HFM1: variants seen among roughly 807,000 people sequenced by gnomAD.
The protein encoded by HFM1 is probable ATP-dependent DNA helicase HFM1.
Under a neutral mutation model 192.1 loss-of-function variants are expected in HFM1, and 169 were observed. The observed-to-expected ratio is 0.88, with a 90% CI of 0.78 to 1.00. The LOEUF is 1.00. Among genes scored for constraint, HFM1 ranks in the 50% least tolerant of loss-of-function variants. HFM1 has a pLI of 0.00. For missense variants in HFM1, 1,661 were observed against 1,668.0 expected (o/e 1.00, Z 0.07); for synonymous variants, 525 against 537.8 (o/e 0.98, Z 0.33).
chr1:91,323,595 T>C (rs1312614293), intron 21 of HFM1, among the ~76,000 whole-genome samples: 1 of 152,204 alleles, frequency 6.6e-6, no homozygotes, highest in East Asian at 1.9e-4. Flanking sequence ...TTGCAAATCA[T>C]TATCTCAATT....
chr1:91,348,554 A>T (rs1198371984), intron 18 of HFM1, among the ~76,000 whole-genome samples: 3 of 152,218 alleles, frequency 2.0e-5, no homozygotes, highest in Non-Finnish European at 2.9e-5. Context: ...GACAAAGTAT[A>T]AATGTCCATC....
chr1:91,357,009 T>A (rs1657838093), intron 13 of HFM1, among the ~76,000 whole-genome samples: 1 of 152,162 alleles, frequency 6.6e-6, no homozygotes, highest in Admixed American at 6.5e-5. Flanking sequence ...GCATCACAAC[T>A]GAATTCTACC....
chr1:91,334,780 T>C (rs376911966), intron 20 of HFM1, among the ~76,000 whole-genome samples: 29 of 151,908 alleles, frequency 1.9e-4, no homozygotes, highest in African/African-American at 5.8e-4. Context: ...AATACAAAAA[T>C]TAGCTGGGCG....
chr1:91,406,792 T>C (rs1664832209), upstream of HFM1, among the ~76,000 whole-genome samples: 1 of 152,038 alleles, frequency 6.6e-6, no homozygotes, highest in Admixed American at 6.5e-5. Context: ...TCTAGAAAAA[T>C]GACTCAGACC....
chr1:91,289,864 G>A (rs969405740), intron 30 of HFM1, among the ~76,000 whole-genome samples: 8 of 152,238 alleles, frequency 5.3e-5, no homozygotes, highest in Non-Finnish European at 1.0e-4. Flanking sequence ...GAGGGAGAGG[G>A]AGACGAGAGG....
At chr1:91,371,895 AAAAC>A (rs1049613493) in intron 13 of HFM1, among the ~76,000 whole-genome samples, 26 of 152,238 alleles carry the variant, frequency 1.7e-4, no homozygotes, top group African/African-American at 5.3e-4. Flanking sequence ...TTACAAGAAA[AAAAC>A]AAACAACCCC....
At chr1:91,266,930 C>G (rs1374395019) in intron 35 of HFM1, among the ~76,000 whole-genome samples, 1 of 152,048 alleles carries the variant, frequency 6.6e-6, no homozygotes, top group African/African-American at 2.4e-5. Context: ...CTAAGGGCCC[C>G]CAAAACAATA....
chr1:91,295,720 G>A (rs1557800762), intron 30 of HFM1, among the ~76,000 whole-genome samples: 1 of 151,946 alleles, frequency 6.6e-6, no homozygotes, highest in Non-Finnish European at 1.5e-5. Flanking sequence ...GATGAACAGA[G>A]TTCTTAATTT....
chr1:91,324,578 A>T, intron 21 of HFM1, 97 bp downstream of exon 21: 1 of 646,298 alleles, frequency 1.5e-6, no homozygotes, highest in Non-Finnish European at 2.7e-6. Context: ...CTGCTCATTC[A>T]TTCTTAAATT....
chr1:91,339,805 C>G (rs1655086687), intron 20 of HFM1, among the ~76,000 whole-genome samples: 1 of 151,844 alleles, frequency 6.6e-6, no homozygotes, highest in South Asian at 2.1e-4. Context: ...TCAGAGAGCC[C>G]CAGTGAGATA....
chr1:91,391,158 T>G (rs1662935381), intron 4 of HFM1, among the ~76,000 whole-genome samples: 1 of 152,122 alleles, frequency 6.6e-6, no homozygotes, highest in South Asian at 2.1e-4. Context: ...ATCAATATTG[T>G]GAAAATGGCC....
intron 30 of HFM1, among the ~76,000 whole-genome samples, chr1:91,302,491 T>A (rs1648945094): frequency 6.6e-6 from 1 of 152,152 alleles, no homozygotes. Context: ...CACGTATGTT[T>A]ATTGTGGCCC....
intron 30 of HFM1, among the ~76,000 whole-genome samples, chr1:91,294,791 T>G (rs1041024179): frequency 6.6e-6 from 1 of 152,220 alleles, no homozygotes; most frequent in Non-Finnish European, 1.5e-5. Flanking sequence ...GCTAATATGA[T>G]AGTACTGCTA....
chr1:91,286,705 C>T lies in HFM1; in HGVS notation c.3392-9643G>A, dbSNP rs61798880. 3.9e-3 allele frequency among the ~76,000 whole-genome samples: 590 copies of T among 152,254 alleles called. 3 individuals are homozygous for T. The highest frequency in any genetic ancestry group is 6.8e-3 in the Non-Finnish European group (460 of 68,024). Reference sequence around the variant, plus strand: ...TCCAGTCTACAGCTCCCAGTGTGAGCGACGCAGAAGACGGGTGATTTCTGC... The same window carrying T: ...TCCAGTCTACAGCTCCCAGTGTGAGTGACGCAGAAGACGGGTGATTTCTGC... On this transcript the variant is annotated intron_variant, in intron 30 of 38. Coordinates refer to ENST00000370425, the MANE Select transcript of HFM1 (RefSeq NM_001017975.6).
chr1:91,321,283 A>G (rs1652063563), intron 23 of HFM1, among the ~76,000 whole-genome samples: 1 of 152,140 alleles, frequency 6.6e-6, no homozygotes, highest in Non-Finnish European at 1.5e-5. Context: ...ATCTCTACTA[A>G]AAATACAAAA....
At chr1:91,370,209 A>G (rs997339024) in intron 13 of HFM1, among the ~76,000 whole-genome samples, 1 of 152,216 alleles carries the variant, frequency 6.6e-6, no homozygotes, top group African/African-American at 2.4e-5. Context: ...CAATCAATAG[A>G]AAAAGAGGGA....
chr1:91,365,264 T>G (rs1255118309), intron 13 of HFM1, among the ~76,000 whole-genome samples: 1 of 152,076 alleles, frequency 6.6e-6, no homozygotes, highest in Non-Finnish European at 1.5e-5. Flanking sequence ...AGATACATAG[T>G]GTGAACAAAT....
chr1:91,353,002 A>G (rs1657159119), intron 15 of HFM1, 49 bp downstream of exon 15: 1 of 1,205,938 alleles, frequency 8.3e-7, no homozygotes, highest in Admixed American at 2.1e-5. Flanking sequence ...TCTTAAAAAT[A>G]ATTTTCCAAA....
chr1:91,407,218 G>T (rs957961702), upstream of HFM1, among the ~76,000 whole-genome samples: 1 of 152,028 alleles, frequency 6.6e-6, no homozygotes, highest in Non-Finnish European at 1.5e-5. Context: ...GGGGTGAGGG[G>T]CTGGGGGAAG....
Sources: allele counts gnomAD v4.1 joint callset (sites outside exome capture counted in the v4.1 genomes callset), GRCh38; gene constraint gnomAD v4.1.1; transcripts MANE v1.5; gene names NCBI Gene and HGNC (gene_info 2026-07-23, HGNC 2026-07-21).